Variants in COL21A1 observed in about 807,000 individuals in gnomAD.
COL21A1 encodes collagen type XXI alpha 1 chain.
Under a neutral mutation model 137.9 loss-of-function variants are expected in COL21A1, and 149 were observed. That is an observed-to-expected ratio of 1.08 (90% CI 0.95 to 1.24). The LOEUF is 1.24. Among genes scored for constraint, COL21A1 ranks in the 50% most tolerant of loss-of-function variants. The pLI is 0.00. For synonymous variants in COL21A1, 456 were observed against 391.5 expected, an observed-to-expected ratio of 1.16 and a Z score of -1.95; for missense variants, 1,167 against 1,158.4, an observed-to-expected ratio of 1.01 and a Z score of -0.11.
In COL21A1 at chr6:56,179,728, T is replaced by G. The variant is rs1261774991; in HGVS notation, c.490A>C (p.Thr164Pro). ...AAQAARDSKITLFAIGVGSET... is the reference protein window; with the variant it reads ...AAQAARDSKIPLFAIGVGSET... ...GAACCAACACCAATAGCAAATAATG[T>G]TATCTTACTATCTCTTGCTGCTTGA... The change falls in exon 3 of 30, where the codon ACA becomes CCA. Residue 164 changes from threonine (T) to proline (P), a missense_variant. Physicochemically the swap from Thr to Pro is conservative, Grantham distance 38. Coordinates refer to ENST00000244728, the MANE Select transcript of COL21A1 (RefSeq NM_030820.4). The G allele has an allele frequency of 3.1e-6, 5 of 1,613,862 alleles. No homozygotes were observed. The African/African-American group carries it at 6.7e-5, about 22-fold the overall frequency.
intron 1 of COL21A1, among the ~76,000 whole-genome samples, chr6:56,218,646 C>A (rs143562670): frequency 8.7e-4 from 133 of 152,102 alleles, no homozygotes; most frequent in East Asian, 5.2e-3. Flanking sequence ...GCTCATTTTA[C>A]ATTTATTTTA....
intron 1 of COL21A1, among the ~76,000 whole-genome samples, chr6:56,282,054 A>G (rs1208097339): frequency 1.3e-5 from 2 of 152,178 alleles, no homozygotes; most frequent in South Asian, 2.1e-4. Flanking sequence ...TTCATTCGAA[A>G]TATTTTTGGA....
chr6:56,309,345 C>T (rs1309579751), intron 1 of COL21A1, among the ~76,000 whole-genome samples: 5 of 152,122 alleles, frequency 3.3e-5, no homozygotes, highest in African/African-American at 1.2e-4. Context: ...GCCAATAATA[C>T]TGGGTTTCCT....
At chr6:56,061,386 A>C (rs1765786469) in intron 25 of COL21A1, among the ~76,000 whole-genome samples, 1 of 152,170 alleles carries the variant, frequency 6.6e-6, no homozygotes, top group South Asian at 2.1e-4. Context: ...AATGTACAAT[A>C]TTCTTTATTC....
intron 16 of COL21A1, among the ~76,000 whole-genome samples, chr6:56,109,244 T>A (rs552508540): frequency 6.6e-6 from 1 of 151,436 alleles, no homozygotes; most frequent in South Asian, 2.1e-4. Flanking sequence ...AAAAATCAAA[T>A]TACAATGTTG....
At position 56,064,584 on chromosome 6, in the gene COL21A1, C is replaced by T. The variant is rs368918825; in HGVS notation, c.2166G>A (p.Gly722=). 39 of 1,594,098 alleles carry T rather than the reference C, an allele frequency of 2.4e-5. No homozygotes were observed. Among genetic ancestry groups the T allele is most frequent in the Non-Finnish European group, 3.3e-5 (38 of 1,168,986 alleles). Residue 722 remains glycine, a synonymous_variant, in exon 24 of 30, where the codon GGG becomes GGA. Transcript: ENST00000244728. ...GAAGAAAACCAAAAAATACCTGTTG[C>T]CCTGGAATTCCCTGTCTTCCATTTT... ...KGENGRQGIP[G]QQGIQGHHGA...
chr6:56,283,872 A>ACTCTCTCT (rs1176221090), intron 1 of COL21A1, among the ~76,000 whole-genome samples: 1 of 84,094 alleles, frequency 1.2e-5, no homozygotes, highest in African/African-American at 4.2e-5. Context: ...ACTCACACAC[A>ACTCTCTCT]CACTCTCTCT....
intron 1 of COL21A1, among the ~76,000 whole-genome samples, chr6:56,228,389 G>T (rs1469982397): frequency 6.6e-6 from 1 of 151,724 alleles, no homozygotes; most frequent in Non-Finnish European, 1.5e-5. Context: ...CTGTTTGATT[G>T]CAGTGGACAG....
chr6:56,342,662 T>G (rs919408782), intron 1 of COL21A1, among the ~76,000 whole-genome samples: 1 of 152,252 alleles, frequency 6.6e-6, no homozygotes, highest in African/African-American at 2.4e-5. Flanking sequence ...CAAAATGGCT[T>G]GGCTAGTAAA....
At chr6:56,181,919 AT>A (rs755966935) in intron 2 of COL21A1, among the ~76,000 whole-genome samples, 4 of 152,200 alleles carry the variant, frequency 2.6e-5, no homozygotes, top group Non-Finnish European at 5.9e-5. Flanking sequence ...TTTAAATATT[AT>A]TGTATTAATA....
At chr6:56,310,350 G>A (rs1764579675) in intron 1 of COL21A1, among the ~76,000 whole-genome samples, 1 of 152,098 alleles carries the variant, frequency 6.6e-6, no homozygotes, top group African/African-American at 2.4e-5. Context: ...CTACTAGGGA[G>A]TTTTTAAAAA....
At chr6:56,133,672 A>C (rs1240005510) in intron 12 of COL21A1, among the ~76,000 whole-genome samples, 1 of 152,062 alleles carries the variant, frequency 6.6e-6, no homozygotes, top group Non-Finnish European at 1.5e-5. Flanking sequence ...ATGAGGAAAA[A>C]ATGTTTTCAT....
intron 25 of COL21A1, 137 bp downstream of exon 25, chr6:56,061,512 G>T: frequency 1.9e-6 from 1 of 516,378 alleles, no homozygotes; most frequent in Non-Finnish European, 3.5e-6. Context: ...CAATTAATTG[G>T]GAACTTCTAC....
chr6:56,272,869 C>T (rs1763560582), intron 1 of COL21A1, among the ~76,000 whole-genome samples: 1 of 152,192 alleles, frequency 6.6e-6, no homozygotes, highest in Admixed American at 6.5e-5. Context: ...CCATATGGAA[C>T]TGTGTGTCAA....
chr6:56,229,119 A>T (rs1048783829), intron 1 of COL21A1, among the ~76,000 whole-genome samples: 13 of 151,910 alleles, frequency 8.6e-5, no homozygotes, highest in Admixed American at 1.3e-4. Context: ...GATGGCTCAC[A>T]CCTGGAATCT....
At chr6:56,077,812 G>A (rs1049349678) in intron 17 of COL21A1, 1 of 432,968 alleles carries the variant, frequency 2.3e-6, no homozygotes, top group African/African-American at 2.0e-5. Flanking sequence ...AAGAAACTAT[G>A]AGGAAATTCA....
intron 1 of COL21A1, among the ~76,000 whole-genome samples, chr6:56,222,101 C>T (rs1008724784): frequency 1.3e-5 from 2 of 151,882 alleles, no homozygotes; most frequent in South Asian, 4.1e-4. Flanking sequence ...GGTGAAACCC[C>T]ATCTCTACTA....
intron 1 of COL21A1, among the ~76,000 whole-genome samples, chr6:56,343,534 T>C (rs1765516989): frequency 6.6e-6 from 1 of 152,230 alleles, no homozygotes; most frequent in Non-Finnish European, 1.5e-5. Context: ...GGTGAATGAC[T>C]ATCTGTTTTT....
At chr6:56,292,398 C>CCA (rs994611777) in intron 1 of COL21A1, among the ~76,000 whole-genome samples, 6 of 138,746 alleles carry the variant, frequency 4.3e-5, no homozygotes, top group Non-Finnish European at 7.8e-5. Flanking sequence ...GGGACCCCCC[C>CCA]CCTCCCCCGC....
Sources: gnomAD v4.1 joint callset for allele counts (sites outside exome capture counted in the v4.1 genomes callset) on GRCh38, gnomAD v4.1.1 for gene constraint, MANE v1.5 for transcripts, NCBI Gene and HGNC (gene_info 2026-07-23, HGNC 2026-07-21) for gene names.